The following PNLIPRP3 variants were observed in gnomAD, a reference collection of about 807,000 sequenced individuals.
The protein encoded by PNLIPRP3 is pancreatic lipase-related protein 3.
In PNLIPRP3, 58 loss-of-function variants were observed where a neutral mutation model predicts 52.8. That is an observed-to-expected ratio of 1.10 (90% CI 0.89 to 1.37). The LOEUF (loss-of-function observed/expected upper bound fraction) is 1.37, where lower values mean the gene tolerates loss of function less well. Ranked by LOEUF, PNLIPRP3 falls within the 40% of genes most tolerant of loss-of-function variation. PNLIPRP3 has a pLI of 0.00. For missense variants in PNLIPRP3, 593 were observed against 561.6 expected, an observed-to-expected ratio of 1.06 and a Z score of -0.57; for synonymous variants, 192 against 185.0, an observed-to-expected ratio of 1.04 and a Z score of -0.31.
At position 116,471,841 on chromosome 10, in the gene PNLIPRP3, C is replaced by G; in HGVS notation, c.1134C>G (p.Gly378=). The G allele has an allele frequency of 6.2e-7, 1 of 1,607,446 alleles. No individual in the cohort carries two copies. Among genetic ancestry groups the G allele is most frequent in the Non-Finnish European group, 8.5e-7 (1 of 1,174,922 alleles). ...AAGGAACTGTCTTTCTTCGTGTAGG[C>G]GGGGCAGTTAGGAAAACTGGGGAGT... ...VTQGTVFLRV[G]GAVRKTGEFA... Residue 378 remains glycine (G), a synonymous_variant, in exon 10 of 12, where the codon GGC becomes GGG. Coordinates refer to ENST00000369230, the MANE Select transcript of PNLIPRP3 (RefSeq NM_001011709.3).
Position 116,471,801 on chromosome 10 carries a change from G to C in PNLIPRP3, c.1094G>C (p.Gly365Ala). Reference sequence around the variant, plus strand: ...CACAAATTGTCTGTTAAACTCAGTGGAAGCGAAGTCACTCAAGGAACTGTC... The same window carrying C: ...CACAAATTGTCTGTTAAACTCAGTGCAAGCGAAGTCACTCAAGGAACTGTC... ...WRHKLSVKLS[G>A]SEVTQGTVFL... The change falls in exon 10 of 12, where the codon GGA becomes GCA. Residue 365 changes from glycine to alanine, a missense_variant. By Grantham distance (60) the Gly-to-Ala change is moderately conservative. Transcript: ENST00000369230. 6.2e-7 allele frequency: 1 copy of C among 1,611,646 alleles called. No individual in the cohort carries two copies. The highest frequency in any genetic ancestry group is 1.7e-5 in the Admixed American group (1 of 59,802).
intron 4 of PNLIPRP3, among the ~76,000 whole-genome samples, chr10:116,453,903 A>G (rs1846074383): frequency 6.6e-6 from 1 of 152,062 alleles, no homozygotes; most frequent in Non-Finnish European, 1.5e-5. Context: ...CCCTGCATTC[A>G]TTAGGTATTT....
chr10:116,448,822 C>T (rs1845993756), intron 4 of PNLIPRP3, among the ~76,000 whole-genome samples: 1 of 152,040 alleles, frequency 6.6e-6, no homozygotes, highest in South Asian at 2.1e-4. Flanking sequence ...TCAAGACCAG[C>T]CTGGCCAACG....
At chr10:116,434,587 TG>T (rs1397444710) in intron 1 of PNLIPRP3, among the ~76,000 whole-genome samples, 1 of 152,132 alleles carries the variant, frequency 6.6e-6, no homozygotes, top group Non-Finnish European at 1.5e-5. Context: ...CATTTTCTTA[TG>T]GAAAAAAGAG....
intron 7 of PNLIPRP3, among the ~76,000 whole-genome samples, chr10:116,463,168 G>A (rs769449935): frequency 6.6e-6 from 1 of 151,784 alleles, no homozygotes; most frequent in African/African-American, 2.4e-5. Context: ...AAACTATTCT[G>A]TCTCAGTTCT....
chr10:116,448,703 T>C (rs1239481149), intron 4 of PNLIPRP3, among the ~76,000 whole-genome samples: 3 of 151,664 alleles, frequency 2.0e-5, no homozygotes, highest in South Asian at 4.2e-4. Flanking sequence ...TTTTGTTTTG[T>C]TTTGTTTTGT....
rs777632329 is a variant in PNLIPRP3, at chr10:116,477,073, T to G, written c.1341-17T>G. On this transcript the variant is annotated splice_polypyrimidine_tract_variant and intron_variant, in intron 11 of 11. Coordinates refer to ENST00000369230, the MANE Select transcript of PNLIPRP3 (RefSeq NM_001011709.3). ...ATCAGGTTAAAATTCCTTTTTTTTT[T>G]CCTTAAAAACTTTCAGATCTACCTT... The G allele has an allele frequency of 1.3e-6, 2 of 1,559,424 alleles. No homozygotes were observed. Among genetic ancestry groups the G allele is most frequent in the Non-Finnish European group, 8.7e-7 (1 of 1,145,342 alleles).
intron 4 of PNLIPRP3, 35 bp downstream of exon 4, chr10:116,444,548 A>T: frequency 6.3e-7 from 1 of 1,590,788 alleles, no homozygotes; most frequent in Non-Finnish European, 8.6e-7. Context: ...ATTATATTGA[A>T]TTGGTTTTGG....
chr10:116,439,387 G>C (rs1343054404), intron 2 of PNLIPRP3: 3 of 528,368 alleles, frequency 5.7e-6, no homozygotes, highest in Non-Finnish European at 1.0e-5. Flanking sequence ...ACACTTCTCA[G>C]ATAAGAAATG....
At chr10:116,472,807 G>A (rs1328365492) in intron 10 of PNLIPRP3, among the ~76,000 whole-genome samples, 1 of 152,176 alleles carries the variant, frequency 6.6e-6, no homozygotes, top group African/African-American at 2.4e-5. Flanking sequence ...AGGCTACACT[G>A]TTTGCACTAC....
At chr10:116,477,063 C>CT (rs760578584) in intron 11 of PNLIPRP3, 27 bp from the exon 12 acceptor site, 9,694 of 1,238,946 alleles carry the variant, frequency 7.8e-3, no homozygotes, top group South Asian at 8.3e-3. Flanking sequence ...GTTAAAATTC[C>CT]TTTTTTTTTT....
intron 7 of PNLIPRP3, among the ~76,000 whole-genome samples, chr10:116,464,922 G>A (rs1363936084): frequency 1.3e-5 from 2 of 152,230 alleles, no homozygotes; most frequent in Non-Finnish European, 2.9e-5. Flanking sequence ...TGATGCGTGG[G>A]GTGGGATGGC....
chr10:116,429,548 G>T (rs1472435969), intron 1 of PNLIPRP3, among the ~76,000 whole-genome samples: 2 of 152,296 alleles, frequency 1.3e-5, no homozygotes, highest in East Asian at 1.9e-4. Flanking sequence ...TTGACTTTCA[G>T]TTCAGTGTTT....
At chr10:116,453,816 T>C (rs1846073176) in intron 4 of PNLIPRP3, among the ~76,000 whole-genome samples, 1 of 152,160 alleles carries the variant, frequency 6.6e-6, no homozygotes, top group South Asian at 2.1e-4. Flanking sequence ...ATGTGCAGAA[T>C]GTGCAGGTTT....
intron 5 of PNLIPRP3, among the ~76,000 whole-genome samples, chr10:116,460,604 G>C (rs1326131446): frequency 6.6e-6 from 1 of 152,232 alleles, no homozygotes; most frequent in African/African-American, 2.4e-5. Context: ...ACATCAAAGA[G>C]TGGTTGTGTT....
At chr10:116,453,518 A>G (rs1846069430) in intron 4 of PNLIPRP3, among the ~76,000 whole-genome samples, 1 of 152,110 alleles carries the variant, frequency 6.6e-6, no homozygotes, top group Non-Finnish European at 1.5e-5. Context: ...CAAATCTCAT[A>G]TTGAAATGTC....
intron 4 of PNLIPRP3, among the ~76,000 whole-genome samples, chr10:116,452,040 T>C (rs940202742): frequency 6.6e-6 from 1 of 152,148 alleles, no homozygotes; most frequent in African/African-American, 2.4e-5. Flanking sequence ...ATATGGACAG[T>C]GAAATCCAGG....
At chr10:116,430,716 C>T (rs923080905) in intron 1 of PNLIPRP3, among the ~76,000 whole-genome samples, 2 of 152,182 alleles carry the variant, frequency 1.3e-5, no homozygotes, top group Non-Finnish European at 2.9e-5. Flanking sequence ...TTCTCCTACA[C>T]ACCACATATC....
At chr10:116,452,329 C>T (rs1361180501) in intron 4 of PNLIPRP3, among the ~76,000 whole-genome samples, 1 of 152,162 alleles carries the variant, frequency 6.6e-6, no homozygotes, top group African/African-American at 2.4e-5. Flanking sequence ...GGAAGCAAAA[C>T]ATTGAAGTTT....
Sources: gnomAD v4.1 joint callset for allele counts (sites outside exome capture counted in the v4.1 genomes callset) on GRCh38, gnomAD v4.1.1 for gene constraint, MANE v1.5 for transcripts, NCBI Gene and HGNC (gene_info 2026-07-23, HGNC 2026-07-21) for gene names.